LMLN: variants seen among roughly 807,000 people sequenced by gnomAD.
LMLN encodes leishmanolysin-like peptidase.
Under a neutral mutation model 92.3 loss-of-function variants are expected in LMLN, and 70 were observed. The ratio of observed to expected loss-of-function variants is 0.76; its 90% CI spans 0.63 to 0.92. LMLN has a LOEUF of 0.92. Ranked by LOEUF, LMLN falls within the 40% of genes least tolerant of loss-of-function variation. The pLI is 0.00. For synonymous variants in LMLN, 308 were observed against 296.2 expected (o/e 1.04, Z -0.41); for missense variants, 691 against 814.6 (o/e 0.85, Z 1.85).
intron 11 of LMLN, among the ~76,000 whole-genome samples, chr3:198,003,716 C>CAT: frequency 1.1e-5 from 1 of 91,490 alleles, no homozygotes; most frequent in Admixed American, 9.5e-5. Flanking sequence ...ACATATCATA[C>CAT]GTAGTAAGTT....
chr3:197,970,284 T>C (rs1231832508), intron 1 of LMLN, among the ~76,000 whole-genome samples: 1 of 152,174 alleles, frequency 6.6e-6, no homozygotes, highest in East Asian at 1.9e-4. Flanking sequence ...TATAATTGTG[T>C]TGAGGATTCC....
chr3:198,003,134 G>C lies in LMLN; in HGVS notation c.1232+3792G>C. On this transcript the variant is annotated intron_variant, in intron 11 of 15. Coordinates refer to ENST00000330198, the Ensembl canonical transcript of LMLN. Reference sequence around the variant, plus strand: ...GATCAGCAGAGACAAAAGTAAGAATGCATTTCCTCACAGTGTCACTGATTA... The same window carrying C: ...GATCAGCAGAGACAAAAGTAAGAATCCATTTCCTCACAGTGTCACTGATTA... The C allele has an allele frequency of 6.9e-7, 1 of 1,449,842 alleles. No individual in the cohort carries two copies. Among genetic ancestry groups the C allele is most frequent in the South Asian group, 1.2e-5 (1 of 81,464 alleles). 89.8% of individuals were successfully genotyped at this position (1,449,842 alleles called of 1,614,324 possible).
intron 12 of LMLN, among the ~76,000 whole-genome samples, chr3:198,021,107 CTT>C (rs1340964807): frequency 6.6e-6 from 1 of 152,032 alleles, no homozygotes; most frequent in Non-Finnish European, 1.5e-5. Flanking sequence ...AATGTTGTAA[CTT>C]TATGCATTAG....
intron 6 of LMLN, among the ~76,000 whole-genome samples, chr3:197,981,135 C>T (rs112831534): frequency 0.065 from 9,810 of 149,908 alleles, 375 homozygotes; most frequent in African/African-American, 0.1. Flanking sequence ...TGGCTGGGCG[C>T]GGTGGCTCAC....
At chr3:198,030,873 G>A (rs1421387165) in intron 14 of LMLN, among the ~76,000 whole-genome samples, 1 of 152,148 alleles carries the variant, frequency 6.6e-6, no homozygotes, top group African/African-American at 2.4e-5. Context: ...GTGGGAAGGC[G>A]GGACTTCATC....
At chr3:197,966,649 T>C (rs1031295080) in intron 1 of LMLN, among the ~76,000 whole-genome samples, 2 of 139,450 alleles carry the variant, frequency 1.4e-5, no homozygotes, top group African/African-American at 6.4e-5. Flanking sequence ...CTGTTGATAT[T>C]ATGAGTTACA....
At chr3:197,971,944 C>CTTTTTTTTTTTTTT (rs756710031) in intron 1 of LMLN, among the ~76,000 whole-genome samples, 5 of 81,222 alleles carry the variant, frequency 6.2e-5, no homozygotes, top group Non-Finnish European at 7.2e-5. Context: ...AGTCTCTGTT[C>CTTTTTTTTTTTTTT]TTTTTTTTTT....
chr3:197,996,456 T>C (rs1722020072), intron 10 of LMLN, 174 bp downstream of exon 10: 1 of 455,892 alleles, frequency 2.2e-6, no homozygotes. Context: ...GTATATACTT[T>C]CATAAATGTT....
intron 6 of LMLN, 108 bp from the exon 7 acceptor site, chr3:197,983,835 A>T: frequency 1.5e-6 from 1 of 664,616 alleles, no homozygotes. Context: ...ATTGCATTGG[A>T]TACTTTGCAA....
intron 6 of LMLN, among the ~76,000 whole-genome samples, chr3:197,981,141 C>T (rs1721546141): frequency 6.6e-6 from 1 of 151,674 alleles, no homozygotes; most frequent in Non-Finnish European, 1.5e-5. Context: ...GGCGCGGTGG[C>T]TCACACCTGT....
In LMLN at chr3:198,015,575, C is replaced by T. The variant is rs1309179843; in HGVS notation, c.1233-3678C>T. 4.4e-5 allele frequency among the ~76,000 whole-genome samples: 6 copies of T among 137,006 alleles called. No individual in the cohort carries two copies. The East Asian group carries it at 1.4e-3, about 31-fold the overall frequency. The allele number at this position is 137,006 out of a possible 152,430, so 89.9% of individuals were successfully genotyped here. ...CCTAACTAGTCTGACTTCTCTCCACCCTTCAGAGCCCCCTAACTAGTCTGA... is the reference window on the plus strand; with the variant it reads ...CCTAACTAGTCTGACTTCTCTCCACTCTTCAGAGCCCCCTAACTAGTCTGA... On this transcript the variant is annotated intron_variant, in intron 11 of 15. Coordinates refer to ENST00000330198, the Ensembl canonical transcript of LMLN.
chr3:197,969,506 T>G (rs1035815645), intron 1 of LMLN, among the ~76,000 whole-genome samples: 14 of 152,214 alleles, frequency 9.2e-5, no homozygotes, highest in Non-Finnish European at 2.1e-4. Context: ...TCAAAAGTAT[T>G]TGGGGATTTT....
intron 1 of LMLN, among the ~76,000 whole-genome samples, chr3:197,972,842 T>C (rs1354478514): frequency 2.6e-5 from 4 of 152,116 alleles, no homozygotes; most frequent in Non-Finnish European, 4.4e-5. Context: ...AGGAATTTAG[T>C]GGTCAGTCAA....
In LMLN at chr3:198,031,563, T is replaced by C. The variant is rs1000022773; in HGVS notation, c.1657-4270T>C. Among the ~76,000 whole-genome samples, 7 of 152,110 alleles carry C rather than the reference T, an allele frequency of 4.6e-5. No individual in the cohort carries two copies. Among genetic ancestry groups the C allele is most frequent in the Admixed American group, 6.5e-5 (1 of 15,274 alleles). ...ATTATTTTCCTAATGGATGATTGGGTGCAGGAAAAAAAGAAAGAAAATTAT... is the reference window on the plus strand; with the variant it reads ...ATTATTTTCCTAATGGATGATTGGGCGCAGGAAAAAAAGAAAGAAAATTAT... On this transcript the variant is annotated intron_variant, in intron 14 of 15. Transcript: ENST00000330198. The surrounding 1 kb of genome is among the most constrained non-coding windows in gnomAD (Gnocchi z 4.8).
chr3:197,976,357 T>G (rs1721380392), intron 4 of LMLN: 1 of 475,632 alleles, frequency 2.1e-6, no homozygotes, highest in African/African-American at 2.0e-5. Flanking sequence ...GTTCTCCAGA[T>G]CACCTTTTTC....
chr3:198,037,469 G>A (rs1723265657), intron 15 of LMLN, among the ~76,000 whole-genome samples: 1 of 152,150 alleles, frequency 6.6e-6, no homozygotes. Context: ...GGCCAACATG[G>A]TGAAAACTCA....
intron 1 of LMLN, among the ~76,000 whole-genome samples, chr3:197,962,163 T>A (rs2109835135): frequency 6.6e-6 from 1 of 152,248 alleles, no homozygotes; most frequent in South Asian, 2.1e-4. Context: ...CAACTAGTTT[T>A]CTAATTGTTT....
At position 197,968,837 on chromosome 3, in the gene LMLN, G is replaced by A. The variant is rs117335493; in HGVS notation, c.220-5540G>A. ...TCACTAATTAAGCCATCTCAGTCTG[G>A]AATTTTCTTTTTTGAAAGTCATAAA... On this transcript the variant is annotated intron_variant, in intron 1 of 15. Transcript: ENST00000330198. Among the ~76,000 whole-genome samples the A allele has an allele frequency of 3.0e-4, 45 of 152,230 alleles. 1 individual carries two copies. The East Asian group carries it at 7.7e-3, about 26-fold the overall frequency.
rs117563427 is a variant in LMLN at position 197,983,465 on chromosome 3, T to C, written c.729-478T>C. ...GGGATGGTAGAAATATTTATGTGAA[T>C]GTAGGCAGTGTTGGAGCAGGAGAAA... On this transcript the variant is annotated intron_variant, in intron 6 of 15. Transcript: ENST00000330198. Among the ~76,000 whole-genome samples, 103 of 152,258 alleles carry C rather than the reference T, an allele frequency of 6.8e-4. 1 individual carries two copies. The East Asian group carries it at 0.018, about 27-fold the overall frequency.
Sources: gnomAD v4.1 joint callset for allele counts (sites outside exome capture counted in the v4.1 genomes callset) on GRCh38, gnomAD v4.1.1 for gene constraint, Gnocchi (gnomAD v3.1) non-coding constraint, MANE v1.5 for transcripts, NCBI Gene and HGNC (gene_info 2026-07-23, HGNC 2026-07-21) for gene names.